Variants in UAP1 observed in about 807,000 individuals in gnomAD.
UAP1 encodes the protein UDP-N-acetylglucosamine pyrophosphorylase 1, also known as UDP-N-acetylhexosamine pyrophosphorylase.
UAP1 carries 25 observed loss-of-function variants against 58.5 expected under a neutral mutation model. The ratio of observed to expected loss-of-function variants is 0.43; its 90% CI spans 0.31 to 0.60. The LOEUF (loss-of-function observed/expected upper bound fraction) is 0.60. Among genes scored for constraint, UAP1 ranks in the 20% least tolerant of loss-of-function variants. The pLI is 0.11. For synonymous variants in UAP1, 208 were observed against 213.0 expected (o/e 0.98, Z 0.21); for missense variants, 575 against 630.0 (o/e 0.91, Z 0.93).
chr1:162,577,201 A>G lies in UAP1; in HGVS notation c.485+220A>G, dbSNP rs1654243078. 3.3e-5 allele frequency among the ~76,000 whole-genome samples: 5 copies of G among 152,044 alleles called. No individual in the cohort carries two copies. In the South Asian group the frequency reaches 1.0e-3, roughly 31 times the overall value. ...ATATATACTCACCGCCAACTTTTAC[A>G]TTCCTGACTGAGTACCTTAAAGTAC... is the stretch of plus-strand genomic sequence containing the variant. On this transcript the variant is annotated intron_variant, in intron 3 of 10. Transcript: ENST00000271469.
intron 4 of UAP1, among the ~76,000 whole-genome samples, chr1:162,579,969 A>G (rs929580756): frequency 6.6e-6 from 1 of 152,112 alleles, no homozygotes; most frequent in African/African-American, 2.4e-5. Context: ...GGTTCAAGTG[A>G]TTCTCCTGCC....
chr1:162,579,704 TTAATA>T (rs1654464148), intron 4 of UAP1, 101 bp downstream of exon 4: 4 of 1,067,504 alleles, frequency 3.7e-6, no homozygotes, highest in Non-Finnish European at 5.2e-6. Context: ...TATTTAAACA[TTAATA>T]TATATGTGTT....
At chr1:162,582,279 A>G (rs1298664527) in intron 5 of UAP1, among the ~76,000 whole-genome samples, 1 of 152,192 alleles carries the variant, frequency 6.6e-6, no homozygotes, top group Non-Finnish European at 1.5e-5. Context: ...TGCAAAGTTT[A>G]GAATAAACAT....
intron 9 of UAP1, among the ~76,000 whole-genome samples, chr1:162,594,272 A>G (rs1655492061): frequency 6.6e-6 from 1 of 152,196 alleles, no homozygotes; most frequent in Non-Finnish European, 1.5e-5. Context: ...AGACTCTCAT[A>G]AGGAGCACAC....
intron 5 of UAP1, among the ~76,000 whole-genome samples, chr1:162,582,771 C>A (rs773965106): frequency 2.0e-4 from 31 of 152,184 alleles, no homozygotes; most frequent in Non-Finnish European, 4.1e-4. Flanking sequence ...AAAAGAAGAT[C>A]TGCCAAAGAA....
intron 1 of UAP1, among the ~76,000 whole-genome samples, chr1:162,564,184 A>G (rs996362939): frequency 1.3e-5 from 2 of 152,228 alleles, no homozygotes; most frequent in African/African-American, 4.8e-5. Context: ...TACCATAATG[A>G]ACATTGAAAG....
chr1:162,573,166 A>G (rs1221485520), intron 2 of UAP1, among the ~76,000 whole-genome samples: 1 of 152,170 alleles, frequency 6.6e-6, no homozygotes, highest in Admixed American at 6.5e-5. Context: ...GCACATACAA[A>G]CTCAGAATGG....
intron 1 of UAP1, among the ~76,000 whole-genome samples, chr1:162,563,032 A>G (rs927703505): frequency 6.6e-6 from 1 of 152,222 alleles, no homozygotes; most frequent in African/African-American, 2.4e-5. Flanking sequence ...GGCTGTGGGC[A>G]TGTACCAAGT....
chr1:162,571,690 C>T (rs1653874550), intron 2 of UAP1, among the ~76,000 whole-genome samples: 1 of 152,166 alleles, frequency 6.6e-6, no homozygotes, highest in Non-Finnish European at 1.5e-5. Context: ...TATGTTATGA[C>T]AAAAGCAGTC....
At chr1:162,599,368 G>C in exon 11 of UAP1, 2 of 1,596,482 alleles carry the variant, frequency 1.3e-6, no homozygotes, top group Non-Finnish European at 1.7e-6. Flanking sequence ...ATTTGAACCA[G>C]ATACCAAGTT....
chr1:162,562,568 A>G (rs982841428), intron 1 of UAP1: 1 of 152,076 alleles, frequency 6.6e-6, no homozygotes, highest in African/African-American at 2.4e-5. Context: ...TACATGGTTT[A>G]TGAAATCTGA....
At chr1:162,576,898 A>G (rs780748526) in exon 3 of UAP1, 3 of 1,614,166 alleles carry the variant, frequency 1.9e-6, no homozygotes, top group East Asian at 2.2e-5. Context: ...CCCGTAAGAC[A>G]CTTTTTCAGA....
chr1:162,578,776 A>G (rs926439441), intron 3 of UAP1, among the ~76,000 whole-genome samples: 2 of 152,228 alleles, frequency 1.3e-5, no homozygotes, highest in African/African-American at 4.8e-5. Context: ...TCATTTAACA[A>G]ATATTAATTG....
chr1:162,592,777 T>C (rs1226911647), exon 9 of UAP1: 2 of 1,550,178 alleles, frequency 1.3e-6, no homozygotes, highest in Non-Finnish European at 1.7e-6. Flanking sequence ...CTGATGTCAA[T>C]CACAAGTAAA....
chr1:162,590,087 A>G (rs1018661674), intron 7 of UAP1, among the ~76,000 whole-genome samples: 1 of 149,406 alleles, frequency 6.7e-6, no homozygotes, highest in African/African-American at 2.5e-5. Flanking sequence ...TAAGATTTCT[A>G]ATCTTTCCGA....
At chr1:162,585,794 AAAGAG>A (rs544840242) in intron 5 of UAP1, among the ~76,000 whole-genome samples, 2 of 152,050 alleles carry the variant, frequency 1.3e-5, no homozygotes, top group Non-Finnish European at 2.9e-5. Context: ...TAAAAAAAAA[AAAGAG>A]AGAGAATAAG....
intron 6 of UAP1, 86 bp downstream of exon 6, chr1:162,587,754 T>C (rs1654989394): frequency 7.9e-7 from 1 of 1,272,008 alleles, no homozygotes; most frequent in Admixed American, 2.1e-5. Context: ...ACACCCCAAG[T>C]CCATATCCCA....
intron 2 of UAP1, among the ~76,000 whole-genome samples, chr1:162,570,763 T>G (rs1653811369): frequency 6.6e-6 from 1 of 152,238 alleles, no homozygotes; most frequent in Admixed American, 6.5e-5. Flanking sequence ...TCTAACTTTC[T>G]TGGATAGCTT....
intron 6 of UAP1, 28 bp downstream of exon 6, chr1:162,587,696 A>G (rs764541650): frequency 6.3e-7 from 1 of 1,591,328 alleles, no homozygotes; most frequent in Non-Finnish European, 8.6e-7. Flanking sequence ...GCCTTTTAAA[A>G]TTATATTTAT....
Sources: allele counts gnomAD v4.1 joint callset (sites outside exome capture counted in the v4.1 genomes callset), GRCh38; gene constraint gnomAD v4.1.1; transcripts MANE v1.5; gene names NCBI Gene and HGNC (gene_info 2026-07-23, HGNC 2026-07-21).